ENPEP: variants seen among roughly 807,000 people sequenced by gnomAD.
The protein encoded by ENPEP is glutamyl aminopeptidase, also known as AP-A.
Under a neutral mutation model 114.5 loss-of-function variants are expected in ENPEP, and 103 were observed. The ratio of observed to expected loss-of-function variants is 0.90; its 90% confidence interval spans 0.77 to 1.06. ENPEP has a LOEUF of 1.06. Among genes scored for constraint, ENPEP ranks in the 50% least tolerant of loss-of-function variants. The pLI is 0.00. For missense variants in ENPEP, 1,196 were observed against 1,161.3 expected, an observed-to-expected ratio of 1.03 and a Z score of -0.43; for synonymous variants, 420 against 422.0, an observed-to-expected ratio of 1.00 and a Z score of 0.06.
intron 11 of ENPEP, among the ~76,000 whole-genome samples, chr4:110,539,515 C>T (rs148505661): frequency 6.6e-6 from 1 of 152,052 alleles, no homozygotes; most frequent in Non-Finnish European, 1.5e-5. Context: ...TTTTGCATGT[C>T]ATTAGTTAAA....
intron 1 of ENPEP, among the ~76,000 whole-genome samples, chr4:110,481,325 G>GAGTTCATA (rs1385157835): frequency 6.6e-6 from 1 of 151,682 alleles, no homozygotes; most frequent in Non-Finnish European, 1.5e-5. Flanking sequence ...ATGAGTTCAT[G>GAGTTCATA]AGTTCAAGTG....
At position 110,527,323 on chromosome 4, in the gene ENPEP, C is replaced by A. The variant is rs556952171; in HGVS notation, c.1728-3875C>A. On this transcript the variant is annotated intron_variant, in intron 10 of 19. Coordinates refer to ENST00000265162, the MANE Select transcript of ENPEP (RefSeq NM_001977.4). The stretch of plus-strand genomic sequence containing the variant: ...CCTGGAAACCTCAGACACCCAGCCT[C>A]CCACACTAAGTGACATTCAGAGAAA... 2.0e-5 allele frequency among the ~76,000 whole-genome samples: 3 copies of A among 152,244 alleles called. No homozygotes were observed. In the East Asian group the frequency reaches 5.8e-4, roughly 29 times the overall value.
At chr4:110,498,044 A>T (rs1725006214) in intron 3 of ENPEP, among the ~76,000 whole-genome samples, 1 of 152,202 alleles carries the variant, frequency 6.6e-6, no homozygotes, top group South Asian at 2.1e-4. Flanking sequence ...CATCCTGGCT[A>T]CCTCAGTATT....
Position 110,561,823 on chromosome 4 carries a change from G to C in ENPEP, c.*265G>C, listed in dbSNP as rs1727691002. The stretch of plus-strand genomic sequence containing the variant: ...TTTACAAACTGAAGATAATGAAATA[G>C]TTATTTTAATACCTTTAAATATCAT... On this transcript the variant is annotated 3_prime_UTR_variant, in exon 20 of 20. Transcript: ENST00000265162. 1 of 264,600 alleles carries C rather than the reference G, an allele frequency of 3.8e-6. No individual in the cohort carries two copies. The highest frequency in any genetic ancestry group is 7.6e-5 in the East Asian group (1 of 13,214). 16.4% of individuals were successfully genotyped at this position (264,600 alleles called of 1,614,324 possible). A position where few individuals can be genotyped will look rare whatever the true frequency, so the allele number is the denominator to read the frequency against.
In ENPEP at chr4:110,476,304, A is replaced by C. The variant is rs1724093582; in HGVS notation, c.-111A>C. 7.1e-7 allele frequency: 1 copy of C among 1,403,972 alleles called. No homozygotes were observed. Among genetic ancestry groups the C allele is most frequent in the African/African-American group, 1.4e-5 (1 of 69,610 alleles). The allele number at this position is 1,403,972 out of a possible 1,614,324, so 87.0% of individuals were successfully genotyped here. A position where few individuals can be genotyped will look rare whatever the true frequency, so the allele number is the denominator to read the frequency against. ...GAGAGAGGGGTGTGGGAAAAGCGAA[A>C]ACAGGCTGCCAAATCAGGGGATTCC... is the stretch of plus-strand genomic sequence containing the variant. On this transcript the variant is annotated 5_prime_UTR_variant, in exon 1 of 20. Transcript: ENST00000265162.
intron 10 of ENPEP, among the ~76,000 whole-genome samples, chr4:110,527,833 T>C (rs1726255502): frequency 6.6e-6 from 1 of 152,210 alleles, no homozygotes; most frequent in Non-Finnish European, 1.5e-5. Flanking sequence ...ATCCATTAAT[T>C]TGTTAAGCCA....
intron 3 of ENPEP, among the ~76,000 whole-genome samples, chr4:110,495,781 G>A (rs923174860): frequency 2.0e-5 from 3 of 152,062 alleles, no homozygotes; most frequent in Non-Finnish European, 2.9e-5. Context: ...TTTCGTTCCT[G>A]AGAAACAAAA....
chr4:110,503,594 G>A (rs1356267818), intron 3 of ENPEP, among the ~76,000 whole-genome samples: 1 of 152,148 alleles, frequency 6.6e-6, no homozygotes, highest in African/African-American at 2.4e-5. Context: ...TGGAACTAGT[G>A]TGGTTCTTTG....
At chr4:110,559,997 T>C (rs558001781) in intron 19 of ENPEP, among the ~76,000 whole-genome samples, 2 of 152,104 alleles carry the variant, frequency 1.3e-5, no homozygotes, top group African/African-American at 2.4e-5. Flanking sequence ...CCTGTGTCCA[T>C]GTGTTCTCAT....
chr4:110,500,987 T>A (rs1361996136), intron 3 of ENPEP, among the ~76,000 whole-genome samples: 5 of 152,082 alleles, frequency 3.3e-5, no homozygotes, highest in Admixed American at 2.0e-4. Flanking sequence ...CAAGGGAGGA[T>A]GCTTTCAAAA....
chr4:110,520,164 AT>A, intron 9 of ENPEP, 50 bp from the exon 10 acceptor site: 2 of 1,596,192 alleles, frequency 1.3e-6, no homozygotes, highest in Non-Finnish European at 1.7e-6. Context: ...CTATCCTTTT[AT>A]TTTCTCATAT....
intron 3 of ENPEP, among the ~76,000 whole-genome samples, chr4:110,491,765 G>A (rs1724735375): frequency 6.9e-6 from 1 of 145,332 alleles, no homozygotes; most frequent in Non-Finnish European, 1.5e-5. Flanking sequence ...CTGTCACCCA[G>A]GCTAGGGTGC....
intron 19 of ENPEP, among the ~76,000 whole-genome samples, chr4:110,560,788 A>G (rs988952883): frequency 6.6e-6 from 1 of 152,208 alleles, no homozygotes; most frequent in Non-Finnish European, 1.5e-5. Context: ...AATGTCTATT[A>G]ATGTTGAACA....
At chr4:110,512,610 A>C (rs1177866269) in intron 6 of ENPEP, 1 of 152,226 alleles carries the variant, frequency 6.6e-6, no homozygotes, top group East Asian at 1.9e-4. Flanking sequence ...GTTAGTAGTG[A>C]TTTAGCAGAG....
intron 17 of ENPEP, among the ~76,000 whole-genome samples, chr4:110,553,097 TCCA>T (rs1727347546): frequency 6.6e-6 from 1 of 152,124 alleles, no homozygotes; most frequent in South Asian, 2.1e-4. Flanking sequence ...TAGTTTACAT[TCCA>T]CTAGTCTTTA....
At chr4:110,509,521 T>C in intron 4 of ENPEP, 132 bp from the exon 5 acceptor site, 1 of 1,182,610 alleles carries the variant, frequency 8.5e-7, no homozygotes, top group Non-Finnish European at 1.2e-6. Context: ...CACACATGAT[T>C]ACAGTTCTTT....
At chr4:110,538,468 G>A (rs1726727228) in intron 11 of ENPEP, among the ~76,000 whole-genome samples, 1 of 152,174 alleles carries the variant, frequency 6.6e-6, no homozygotes. Flanking sequence ...GAGAGTTAGG[G>A]TCCTTCTCTG....
intron 11 of ENPEP, among the ~76,000 whole-genome samples, chr4:110,538,282 CTTAG>C (rs1301490092): frequency 1.3e-5 from 2 of 152,162 alleles, no homozygotes; most frequent in Non-Finnish European, 2.9e-5. Context: ...CAAAAATGAT[CTTAG>C]TTAGATCTTC....
At chr4:110,492,591 C>T (rs978003085) in intron 3 of ENPEP, among the ~76,000 whole-genome samples, 1 of 152,160 alleles carries the variant, frequency 6.6e-6, no homozygotes, top group African/African-American at 2.4e-5. Context: ...AGGACTCATC[C>T]GTATTCTAAC....
Sources: allele counts gnomAD v4.1 joint callset (sites outside exome capture counted in the v4.1 genomes callset), GRCh38; gene constraint gnomAD v4.1.1; transcripts MANE v1.5; gene names NCBI Gene and HGNC (gene_info 2026-07-23, HGNC 2026-07-21).